Variants in WDHD1 observed in about 807,000 individuals in gnomAD.
The protein encoded by WDHD1 is WD repeat and HMG-box DNA-binding protein 1.
In WDHD1, 111 loss-of-function variants were observed where a neutral mutation model predicts 135.4. The observed-to-expected ratio is 0.82, with a 90% CI of 0.70 to 0.96. The LOEUF is 0.96. Ranked by LOEUF, WDHD1 falls within the 40% of genes least tolerant of loss-of-function variation. The probability of loss-of-function intolerance (pLI) is 0.00; values close to 1 mark genes in which losing one functional copy is unlikely to be tolerated. For synonymous variants in WDHD1, 434 were observed against 439.0 expected, an observed-to-expected ratio of 0.99 and a Z score of 0.14; for missense variants, 1,351 against 1,336.3, an observed-to-expected ratio of 1.01 and a Z score of -0.17.
intron 2 of WDHD1, among the ~76,000 whole-genome samples, chr14:55,024,236 A>G (rs1241628578): frequency 6.6e-6 from 1 of 152,182 alleles, no homozygotes; most frequent in African/African-American, 2.4e-5. Flanking sequence ...CCAACTGTCT[A>G]CTTTATCCCT....
chr14:54,982,864 T>C (rs1466064445), intron 15 of WDHD1, among the ~76,000 whole-genome samples: 1 of 152,048 alleles, frequency 6.6e-6, no homozygotes, highest in East Asian at 1.9e-4. Flanking sequence ...GACAGGTGAT[T>C]TAAAATAAGG....
At chr14:55,003,208 CA>C (rs1373778488) in intron 7 of WDHD1, among the ~76,000 whole-genome samples, 1 of 151,800 alleles carries the variant, frequency 6.6e-6, no homozygotes, top group Non-Finnish European at 1.5e-5. Flanking sequence ...CTAGAATGTA[CA>C]TTGTTAAAAG....
chr14:54,962,340 T>C (rs1232098113), intron 21 of WDHD1, among the ~76,000 whole-genome samples, 158 bp downstream of exon 21: 2 of 152,138 alleles, frequency 1.3e-5, no homozygotes, highest in Non-Finnish European at 2.9e-5. Context: ...TAAATGACCA[T>C]AGCTTCACAA....
chr14:55,017,331 G>GA (rs1404334148), intron 2 of WDHD1, among the ~76,000 whole-genome samples: 2 of 151,886 alleles, frequency 1.3e-5, no homozygotes, highest in Non-Finnish European at 2.9e-5. Flanking sequence ...AGTGCTGTAG[G>GA]AAAAATCAAT....
At position 54,952,556 on chromosome 14, in the gene WDHD1, G is replaced by A. The variant is rs149343025; in HGVS notation, c.3050+3005C>T. 2.4e-3 allele frequency among the ~76,000 whole-genome samples: 363 copies of A among 152,264 alleles called. 3 individuals carry two copies. The highest frequency in any genetic ancestry group is 8.2e-3 in the African/African-American group (341 of 41,548). On this transcript the variant is annotated intron_variant, in intron 24 of 25. Transcript: ENST00000360586. ...TAGGAAGAATCACTATCGTGAAAAC[G>A]GCCATCCTGTCCAAGGCAATTTATA...
chr14:55,005,925 C>G (rs2140219483), intron 7 of WDHD1, among the ~76,000 whole-genome samples: 1 of 152,072 alleles, frequency 6.6e-6, no homozygotes, highest in South Asian at 2.1e-4. Flanking sequence ...AGTACAGTGA[C>G]AAGATCATAG....
chr14:54,978,141 A>T (rs1049797768), intron 16 of WDHD1, among the ~76,000 whole-genome samples: 1 of 152,220 alleles, frequency 6.6e-6, no homozygotes, highest in African/African-American at 2.4e-5. Flanking sequence ...CATTAGGCAG[A>T]ATAGTAAAAA....
At position 54,963,094 on chromosome 14, in the gene WDHD1, T is replaced by A. The variant is rs530548153; in HGVS notation, c.2389A>T (p.Ile797Phe). Reference protein sequence around the residue: ...LMTQNAVNLAIKYASRSRKLI... With the variant: ...LMTQNAVNLAFKYASRSRKLI... ...TTCCGAGAGCGAGAAGCATATTTAA[T>A]GGCTAAATTCACAGCATTTTGAGTC... Residue 797 changes from isoleucine to phenylalanine, a missense_variant, in exon 19 of 26, where the codon ATT becomes TTT. Ile to Phe is a conservative substitution (Grantham distance 21, BLOSUM62 0). Transcript: ENST00000360586. 6.3e-7 allele frequency: 1 copy of A among 1,577,190 alleles called. No homozygotes were observed. The highest frequency in any genetic ancestry group is 1.1e-5 in the South Asian group (1 of 90,600).
At position 54,967,424 on chromosome 14, in the gene WDHD1, A is replaced by C. The variant is rs753754012; in HGVS notation, c.2064-30T>G. The C allele has an allele frequency of 2.0e-6, 3 of 1,527,602 alleles. No individual in the cohort carries two copies. The Admixed American group carries it at 6.3e-5, about 32-fold the overall frequency. 94.6% of individuals were successfully genotyped at this position (1,527,602 alleles called of 1,614,324 possible). A position where few individuals can be genotyped will look rare whatever the true frequency, so the allele number is the denominator to read the frequency against. ...TAGTAAAGAAAAGTTCCATCATAAAAATTTACTAACATGTCATAAAAACTA... is the reference window on the plus strand; with the variant it reads ...TAGTAAAGAAAAGTTCCATCATAAACATTTACTAACATGTCATAAAAACTA... On this transcript the variant is annotated intron_variant, in intron 16 of 25. Transcript: ENST00000360586.
chr14:54,987,048 A>G lies in WDHD1; in HGVS notation c.1768+98T>C, dbSNP rs1244970095. ...TTAAAGATTACACGGATTCAAAAGGAAGTATATAATCCAAGACAAAAAGAG... is the reference window on the plus strand; with the variant it reads ...TTAAAGATTACACGGATTCAAAAGGGAGTATATAATCCAAGACAAAAAGAG... On this transcript the variant is annotated intron_variant, in intron 14 of 25. Coordinates refer to ENST00000360586, the MANE Select transcript of WDHD1 (RefSeq NM_007086.4). The G allele has an allele frequency of 3.7e-6, 5 of 1,360,348 alleles. No homozygotes were observed. The Admixed American group carries it at 1.1e-4, about 30-fold the overall frequency. 84.3% of individuals were successfully genotyped at this position (1,360,348 alleles called of 1,614,324 possible). A position where few individuals can be genotyped will look rare whatever the true frequency, so the allele number is the denominator to read the frequency against.
intron 17 of WDHD1, among the ~76,000 whole-genome samples, chr14:54,966,823 AAC>A (rs2041353963): frequency 6.6e-6 from 1 of 152,250 alleles, no homozygotes; most frequent in Admixed American, 6.5e-5. Context: ...CAGCATTTAA[AAC>A]AGTTTCCTAG....
At chr14:55,002,310 CTGTTTT>C in intron 7 of WDHD1, 125 bp from the exon 8 acceptor site, 4 of 695,896 alleles carry the variant, frequency 5.7e-6, no homozygotes, top group Non-Finnish European at 9.3e-6. Flanking sequence ...TTTATTGTTT[CTGTTTT>C]TAAGAGACGG....
intron 16 of WDHD1, among the ~76,000 whole-genome samples, chr14:54,978,671 T>C (rs1404427542): frequency 6.6e-6 from 1 of 152,166 alleles, no homozygotes; most frequent in Non-Finnish European, 1.5e-5. Context: ...ATTACAACTG[T>C]AAAGGCAAAA....
At chr14:54,947,192 A>T (rs1215542518) in intron 24 of WDHD1, among the ~76,000 whole-genome samples, 1 of 152,064 alleles carries the variant, frequency 6.6e-6, no homozygotes, top group South Asian at 2.1e-4. Flanking sequence ...ATACAAAATT[A>T]GTCGGGCATG....
chr14:54,960,303 G>A (rs2041230149), intron 21 of WDHD1, among the ~76,000 whole-genome samples: 1 of 152,108 alleles, frequency 6.6e-6, no homozygotes, highest in South Asian at 2.1e-4. Context: ...AAGTAGCTGG[G>A]ATTACAGGTG....
At chr14:55,017,413 G>C (rs1463305199) in intron 2 of WDHD1, among the ~76,000 whole-genome samples, 1 of 151,898 alleles carries the variant, frequency 6.6e-6, no homozygotes, top group Non-Finnish European at 1.5e-5. Context: ...CACCATCTCG[G>C]GTCACTGCAA....
At chr14:54,984,634 T>C in intron 15 of WDHD1, 89 bp downstream of exon 15, 1 of 1,068,646 alleles carries the variant, frequency 9.4e-7, no homozygotes, top group Non-Finnish European at 1.2e-6. Context: ...CTTAAATTAA[T>C]TAGGAATAAA....
chr14:54,988,866 T>C (rs1166641084), intron 13 of WDHD1, among the ~76,000 whole-genome samples, 162 bp downstream of exon 13: 3 of 152,150 alleles, frequency 2.0e-5, no homozygotes, highest in Admixed American at 2.0e-4. Flanking sequence ...AACAGACATA[T>C]GTTCTGAGGT....
chr14:54,992,946 A>G (rs1456745395), intron 11 of WDHD1, among the ~76,000 whole-genome samples: 1 of 152,108 alleles, frequency 6.6e-6, no homozygotes, highest in Non-Finnish European at 1.5e-5. Context: ...AAAACAACAT[A>G]TAATTAATTA....
Sources: allele counts gnomAD v4.1 joint callset (sites outside exome capture counted in the v4.1 genomes callset), GRCh38; gene constraint gnomAD v4.1.1; transcripts MANE v1.5; gene names NCBI Gene and HGNC (gene_info 2026-07-23, HGNC 2026-07-21).